The following EEA1 variants were observed in gnomAD, a reference collection of about 807,000 sequenced individuals.
EEA1 encodes early endosome antigen 1.
In EEA1, 111 loss-of-function variants were observed where a neutral mutation model predicts 209.2. The ratio of observed to expected loss-of-function variants is 0.53; its 90% CI spans 0.45 to 0.62. EEA1 has a LOEUF of 0.62. Ranked by LOEUF, EEA1 falls within the 20% of genes least tolerant of loss-of-function variation. The pLI is 0.00. For synonymous variants in EEA1, 536 were observed against 540.6 expected, an observed-to-expected ratio of 0.99 and a Z score of 0.12; for missense variants, 1,343 against 1,530.8, an observed-to-expected ratio of 0.88 and a Z score of 2.05.
intron 1 of EEA1, among the ~76,000 whole-genome samples, chr12:92,911,016 C>G (rs1029363679): frequency 1.3e-5 from 2 of 152,170 alleles, no homozygotes; most frequent in Non-Finnish European, 2.9e-5. Context: ...GAAATAGGAA[C>G]AGGAATTCAT....
At chr12:92,776,229 C>T (rs1873653688) in intron 28 of EEA1, 96 bp from the exon 29 acceptor site, 3 of 1,168,546 alleles carry the variant, frequency 2.6e-6, no homozygotes, top group Non-Finnish European at 3.5e-6. Context: ...TATGAAGGTA[C>T]ATTAGCTTTC....
intron 1 of EEA1, among the ~76,000 whole-genome samples, chr12:92,907,798 C>G (rs1880435150): frequency 6.6e-6 from 1 of 152,104 alleles, no homozygotes; most frequent in South Asian, 2.1e-4. Context: ...TCAAGAACTT[C>G]AGTTAAAACC....
intron 9 of EEA1, among the ~76,000 whole-genome samples, chr12:92,849,927 G>A (rs1877541810): frequency 6.6e-6 from 1 of 152,172 alleles, no homozygotes; most frequent in South Asian, 2.1e-4. Flanking sequence ...ACAAATAACA[G>A]TAGTCATAAC....
chr12:92,831,756 C>T lies in EEA1; in HGVS notation c.1254+756G>A, dbSNP rs1237393299. Among the ~76,000 whole-genome samples, 3 of 150,986 alleles carry T rather than the reference C, an allele frequency of 2.0e-5. No individual in the cohort carries two copies. The East Asian group carries it at 5.8e-4, about 29-fold the overall frequency. On this transcript the variant is annotated intron_variant, in intron 11 of 28. Transcript: ENST00000322349. ...AAAATATCTAATTTTTATTTATTTT[C>T]AAAAAAGTTTTCCCTAAAACACATA... is the stretch of plus-strand genomic sequence containing the variant.
intron 1 of EEA1, among the ~76,000 whole-genome samples, chr12:92,895,067 T>A (rs1018747895): frequency 5.3e-5 from 8 of 152,004 alleles, no homozygotes; most frequent in African/African-American, 1.5e-4. Context: ...AATGCTACTC[T>A]GCGCTCTATA....
chr12:92,919,339 A>T (rs1880894284), intron 1 of EEA1, among the ~76,000 whole-genome samples: 1 of 147,452 alleles, frequency 6.8e-6, no homozygotes, highest in African/African-American at 2.5e-5. Context: ...TTGATGCAAA[A>T]ATCCTCAATA....
chr12:92,908,109 G>A (rs1242599395), intron 1 of EEA1, among the ~76,000 whole-genome samples: 1 of 152,130 alleles, frequency 6.6e-6, no homozygotes, highest in Non-Finnish European at 1.5e-5. Flanking sequence ...ATAAACAAAA[G>A]GTAGTATATA....
intron 15 of EEA1, among the ~76,000 whole-genome samples, chr12:92,814,081 A>G (rs576019394): frequency 6.6e-6 from 1 of 152,288 alleles, no homozygotes; most frequent in African/African-American, 2.4e-5. Context: ...TTTAAAATTA[A>G]CATATTTTGA....
At chr12:92,815,756 A>T (rs1002876254) in intron 15 of EEA1, among the ~76,000 whole-genome samples, 4 of 152,306 alleles carry the variant, frequency 2.6e-5, no homozygotes, top group African/African-American at 9.6e-5. Context: ...AAGATTTAAA[A>T]AATCAAAGTC....
intron 18 of EEA1, among the ~76,000 whole-genome samples, chr12:92,804,998 GGAGCCCTGTAAGT>G (rs1297458366): frequency 6.6e-6 from 1 of 152,152 alleles, no homozygotes; most frequent in Admixed American, 6.5e-5. Context: ...ATAGGATGTG[GGAGCCCTGTAAGT>G]GAATTCTGAA....
intron 9 of EEA1, among the ~76,000 whole-genome samples, chr12:92,845,994 T>A (rs996363358): frequency 1.3e-5 from 2 of 152,202 alleles, no homozygotes; most frequent in African/African-American, 4.8e-5. Flanking sequence ...TACTGAATTT[T>A]TACTAAAAAA....
intron 3 of EEA1, among the ~76,000 whole-genome samples, chr12:92,863,838 T>G (rs1337854585): frequency 1.3e-5 from 2 of 152,140 alleles, no homozygotes; most frequent in East Asian, 3.8e-4. Flanking sequence ...AGAACAAGGG[T>G]AGACCGTGGA....
At chr12:92,904,947 G>A (rs12296277) in intron 1 of EEA1, among the ~76,000 whole-genome samples, 204 of 152,280 alleles carry the variant, frequency 1.3e-3, no homozygotes, top group African/African-American at 4.8e-3. Context: ...ATTGGCCATT[G>A]GTGATTAACT....
At chr12:92,805,096 C>T (rs1020008846) in intron 18 of EEA1, among the ~76,000 whole-genome samples, 18 of 152,092 alleles carry the variant, frequency 1.2e-4, no homozygotes, top group African/African-American at 4.3e-4. Context: ...AACCATTGGG[C>T]CTGCAGAGTT....
intron 2 of EEA1, among the ~76,000 whole-genome samples, chr12:92,869,005 TA>T (rs11378037): frequency 2.7e-5 from 4 of 150,354 alleles, no homozygotes; most frequent in South Asian, 2.1e-4. Flanking sequence ...ATGGGTAGAT[TA>T]AAAAAAAAAG....
intron 2 of EEA1, among the ~76,000 whole-genome samples, chr12:92,870,030 C>T (rs1432844954): frequency 6.6e-6 from 1 of 152,064 alleles, no homozygotes; most frequent in Non-Finnish European, 1.5e-5. Flanking sequence ...TTTAACTGTC[C>T]TCCTATAAAG....
intron 3 of EEA1, among the ~76,000 whole-genome samples, chr12:92,861,876 C>G (rs1330425655): frequency 6.6e-6 from 1 of 152,040 alleles, no homozygotes; most frequent in African/African-American, 2.4e-5. Flanking sequence ...AAAGGGGTGG[C>G]AAGCGCTCAA....
intron 22 of EEA1, 109 bp downstream of exon 22, chr12:92,787,758 C>T (rs951259520): frequency 1.1e-6 from 1 of 900,466 alleles, no homozygotes; most frequent in African/African-American, 1.7e-5. Flanking sequence ...AAACAGCACA[C>T]TATTCCACAA....
intron 9 of EEA1, among the ~76,000 whole-genome samples, chr12:92,846,509 A>G (rs1233880182): frequency 6.6e-6 from 1 of 152,234 alleles, no homozygotes; most frequent in Non-Finnish European, 1.5e-5. Context: ...ACTGGGATTC[A>G]ATGAGTTTAT....
Sources: allele counts gnomAD v4.1 joint callset (sites outside exome capture counted in the v4.1 genomes callset), GRCh38; gene constraint gnomAD v4.1.1; transcripts MANE v1.5; gene names NCBI Gene and HGNC (gene_info 2026-07-23, HGNC 2026-07-21).